Variants in TOPBP1 observed in about 807,000 individuals in gnomAD.
TOPBP1 encodes the protein DNA topoisomerase 2-binding protein 1.
In TOPBP1, 28 loss-of-function variants were observed where a neutral mutation model predicts 167.7. The observed-to-expected ratio is 0.17, with a 90% CI of 0.12 to 0.23. The LOEUF (loss-of-function observed/expected upper bound fraction) is 0.23, where lower values mean the gene tolerates loss of function less well. TOPBP1 is among the 10% of genes least tolerant of loss of function. TOPBP1 has a pLI of 1.00. For missense variants in TOPBP1, 1,554 were observed against 1,809.6 expected (o/e 0.86, Z 2.56); for synonymous variants, 598 against 611.4 (o/e 0.98, Z 0.32).
At position 133,655,273 on chromosome 3, in the gene TOPBP1, G is replaced by C. The variant is rs1936442147; in HGVS notation, c.742+17C>G. On this transcript the variant is annotated intron_variant, in intron 6 of 27. Transcript: ENST00000260810. ...GAGAAAATGTTTCATTTGTCCCTTT[G>C]TGAAACACAGTTTTACCTTTTGGTT... 7.4e-7 allele frequency: 1 copy of C among 1,360,284 alleles called. No individual in the cohort carries two copies. Among genetic ancestry groups the C allele is most frequent in the African/African-American group, 1.5e-5 (1 of 66,766 alleles). 84.3% of individuals were successfully genotyped at this position (1,360,284 alleles called of 1,614,324 possible). A position where few individuals can be genotyped will look rare whatever the true frequency, so the allele number is the denominator to read the frequency against.
intron 14 of TOPBP1, among the ~76,000 whole-genome samples, chr3:133,636,904 C>T (rs1220776715): frequency 6.6e-6 from 1 of 152,118 alleles, no homozygotes; most frequent in East Asian, 1.9e-4. Context: ...AATGTTACCT[C>T]AGAAGAGATT....
chr3:133,601,280 T>A lies in TOPBP1; in HGVS notation c.4539A>T (p.Lys1513Asn), dbSNP rs1335370474. Residue 1513 changes from lysine to asparagine, a missense_variant, in exon 28 of 28, where the codon AAA (lysine) becomes AAT (asparagine). Around this residue, in one of 3 missense-constraint regions of TOPBP1, gnomAD observed 351 missense variants for 432.9 expected, o/e 0.81. Coordinates refer to ENST00000260810, the MANE Select transcript of TOPBP1 (RefSeq NM_007027.4). ...LSQKRKAPTE[K>N]NKIKRPRVH ...GTACTCTAGGTCGTTTGATTTTATT[T>A]TTTTCTGTAGGAGCTTTCCTCTTTT... 1.2e-6 allele frequency: 2 copies of A among 1,606,462 alleles called. No individual in the cohort carries two copies. Among genetic ancestry groups the A allele is most frequent in the Non-Finnish European group, 8.5e-7 (1 of 1,177,978 alleles).
At chr3:133,653,627 A>AT in intron 6 of TOPBP1, 103 bp from the exon 7 acceptor site, 2 of 1,073,700 alleles carry the variant, frequency 1.9e-6, no homozygotes, top group Non-Finnish European at 2.5e-6. Context: ...TAACAGGTTA[A>AT]TATTTTTTTT....
chr3:133,601,830 T>G (rs771757985), intron 27 of TOPBP1, among the ~76,000 whole-genome samples: 9 of 152,108 alleles, frequency 5.9e-5, no homozygotes, highest in Non-Finnish European at 1.2e-4. Context: ...TTATTATAAG[T>G]GTAATAAAAC....
At chr3:133,642,272 G>C (rs1462907742) in intron 12 of TOPBP1, among the ~76,000 whole-genome samples, 1 of 152,158 alleles carries the variant, frequency 6.6e-6, no homozygotes, top group Non-Finnish European at 1.5e-5. Flanking sequence ...TTACAGGTGT[G>C]AGCCACTGTG....
intron 16 of TOPBP1, among the ~76,000 whole-genome samples, chr3:133,624,556 C>G (rs181973374): frequency 1.3e-5 from 2 of 152,218 alleles, no homozygotes; most frequent in Admixed American, 1.3e-4. Flanking sequence ...TATATAAATA[C>G]AGAGAGAGGT....
intron 14 of TOPBP1, among the ~76,000 whole-genome samples, chr3:133,629,693 T>A (rs1422362172): frequency 2.0e-5 from 3 of 152,194 alleles, no homozygotes; most frequent in African/African-American, 7.2e-5. Flanking sequence ...TTTTTGACAA[T>A]CTGATAAGAC....
chr3:133,616,255 G>A (rs942564401), intron 23 of TOPBP1, among the ~76,000 whole-genome samples: 13 of 151,994 alleles, frequency 8.6e-5, no homozygotes, highest in African/African-American at 2.9e-4. Context: ...GAGTAACTAG[G>A]ATCACAGGCA....
rs142871351 is a variant in TOPBP1, at chr3:133,627,937, C to A, written c.2804+425G>T. Among the ~76,000 whole-genome samples the A allele has an allele frequency of 9.1e-3, 1,384 of 151,936 alleles. 9 individuals are homozygous for A. Among genetic ancestry groups the A allele is most frequent in the Non-Finnish European group, 0.013 (872 of 67,972 alleles). ...GACTATCTTAATAAAGGAGGGCTGCCAGAGTACTTAGTACTACTCCCAGAG... is the reference window on the plus strand; with the variant it reads ...GACTATCTTAATAAAGGAGGGCTGCAAGAGTACTTAGTACTACTCCCAGAG... On this transcript the variant is annotated intron_variant, in intron 16 of 27. Coordinates refer to ENST00000260810, the MANE Select transcript of TOPBP1 (RefSeq NM_007027.4).
chr3:133,661,382 C>T (rs910276003), intron 1 of TOPBP1, among the ~76,000 whole-genome samples: 9 of 152,216 alleles, frequency 5.9e-5, no homozygotes, highest in African/African-American at 2.2e-4. Context: ...CTGAGGAAGG[C>T]CCTGCTATGA....
chr3:133,652,960 T>C (rs2107829844), intron 7 of TOPBP1, among the ~76,000 whole-genome samples: 1 of 152,320 alleles, frequency 6.6e-6, no homozygotes, highest in Non-Finnish European at 1.5e-5. Context: ...ACCTACAAAA[T>C]AGAAATGGTT....
At position 133,644,184 on chromosome 3, in the gene TOPBP1, C is replaced by T. The variant is rs1935996206; in HGVS notation, c.1684G>A (p.Gly562Ser). 1.2e-6 allele frequency: 2 copies of T among 1,613,658 alleles called. No homozygotes were observed. The highest frequency in any genetic ancestry group is 1.7e-6 in the Non-Finnish European group (2 of 1,179,838). The part of the protein sequence containing the change: ...LFSQKSFLVL[G>S]FSNENESNIA... Reference sequence around the variant, plus strand: ...TTAGATTCATTTTCATTACTAAAACCCAAAACAAGGAAACTCTTTTGGCTA... The same window carrying T: ...TTAGATTCATTTTCATTACTAAAACTCAAAACAAGGAAACTCTTTTGGCTA... The change falls in exon 11 of 28, where the codon GGT (glycine) becomes AGT (serine). Residue 562 changes from glycine (G) to serine (S), a missense_variant. Physicochemically the swap from Gly to Ser is moderately conservative, Grantham distance 56. Coordinates refer to ENST00000260810, the MANE Select transcript of TOPBP1 (RefSeq NM_007027.4).
At position 133,635,728 on chromosome 3, in the gene TOPBP1, T is replaced by G. The variant is rs967082105; in HGVS notation, c.2520+2148A>C. 3.9e-5 allele frequency among the ~76,000 whole-genome samples: 6 copies of G among 152,336 alleles called. No homozygotes were observed. The South Asian group carries it at 1.0e-3, about 26-fold the overall frequency. Reference sequence around the variant, plus strand: ...GGTATAATCACTTTGGCAAAAAATTTGTCATTCTCTACTGAAGCTGAAATA... The same window carrying G: ...GGTATAATCACTTTGGCAAAAAATTGGTCATTCTCTACTGAAGCTGAAATA... On this transcript the variant is annotated intron_variant, in intron 14 of 27. Coordinates refer to ENST00000260810, the MANE Select transcript of TOPBP1 (RefSeq NM_007027.4).
intron 3 of TOPBP1, 144 bp downstream of exon 3, chr3:133,658,872 A>G: frequency 2.3e-6 from 2 of 867,196 alleles, no homozygotes; most frequent in Non-Finnish European, 3.2e-6. Context: ...TTAGCCTTTC[A>G]ATCCTGGTCT....
intron 14 of TOPBP1, among the ~76,000 whole-genome samples, chr3:133,632,273 T>C (rs934237792): frequency 2.6e-5 from 4 of 151,104 alleles, no homozygotes; most frequent in East Asian, 3.9e-4. Context: ...GGTGTGGGGG[T>C]AGGCGCCTGT....
chr3:133,612,347 G>A, intron 24 of TOPBP1, 42 bp downstream of exon 24: 2 of 1,607,422 alleles, frequency 1.2e-6, no homozygotes, highest in African/African-American at 1.3e-5. Flanking sequence ...GTGGACACTT[G>A]CTTTTAAAGA....
chr3:133,645,276 G>A (rs1166632588), intron 10 of TOPBP1, among the ~76,000 whole-genome samples: 1 of 152,186 alleles, frequency 6.6e-6, no homozygotes, highest in Non-Finnish European at 1.5e-5. Context: ...GTACTTATTC[G>A]CACTAAGGAA....
Position 133,640,050 on chromosome 3 carries a change from A to C in TOPBP1, c.2142T>G (p.Pro714=), listed in dbSNP as rs1025894130. ...CCAACAGCCAAGCTATAGTAACGGC[A>C]GGTAAATTCCACTTCTTTGCAGCTT... ...KYEAAKKWNL[P]AVTIAWLLET... The change falls in exon 13 of 28, where the codon CCT becomes CCG. Residue 714 remains proline, a synonymous_variant. Transcript: ENST00000260810. 28 of 1,613,788 alleles carry C rather than the reference A, an allele frequency of 1.7e-5. No individual in the cohort carries two copies. The highest frequency in any genetic ancestry group is 2.4e-5 in the Non-Finnish European group (28 of 1,179,858).
intron 10 of TOPBP1, among the ~76,000 whole-genome samples, chr3:133,647,632 C>T (rs898623805): frequency 6.6e-6 from 1 of 152,126 alleles, no homozygotes; most frequent in African/African-American, 2.4e-5. Context: ...TGAGGTGCTT[C>T]AAGACCAGCC....
Sources: gnomAD v4.1 joint callset for allele counts (sites outside exome capture counted in the v4.1 genomes callset) on GRCh38, gnomAD v4.1.1 for gene constraint, gnomAD v4.1.1 regional missense constraint, MANE v1.5 for transcripts, NCBI Gene and HGNC (gene_info 2026-07-23, HGNC 2026-07-21) for gene names.